MBNL2: variants seen among roughly 807,000 people sequenced by gnomAD.
MBNL2 encodes muscleblind like splicing regulator 2.
Under a neutral mutation model 41.9 loss-of-function variants are expected in MBNL2, and 17 were observed. The ratio of observed to expected loss-of-function variants is 0.41; its 90% CI spans 0.28 to 0.61. The LOEUF (loss-of-function observed/expected upper bound fraction) is 0.61, where lower values mean the gene tolerates loss of function less well. MBNL2 is among the 20% of genes least tolerant of loss of function. The probability of loss-of-function intolerance (pLI) is 0.35; values close to 1 mark genes in which losing one functional copy is unlikely to be tolerated. For synonymous variants in MBNL2, 195 were observed against 182.9 expected (o/e 1.07, Z -0.53); for missense variants, 336 against 505.6 (o/e 0.66, Z 3.22).
At chr13:97,177,437 G>A in the MBNL2 span, among the ~76,000 whole-genome samples, 1 of 152,114 alleles carries the variant, frequency 6.6e-6, no homozygotes, top group South Asian at 2.1e-4. Flanking sequence ...AGAAGCTTTT[G>A]AAACTTAAAA....
intron 4 of MBNL2, among the ~76,000 whole-genome samples, chr13:97,343,958 C>T (rs777786001): frequency 1.3e-5 from 2 of 152,156 alleles, no homozygotes; most frequent in East Asian, 1.9e-4. Context: ...AGGCATGCGC[C>T]ACCACGCCTG....
intron 5 of MBNL2, among the ~76,000 whole-genome samples, chr13:97,355,369 CTTTA>C (rs1384951545): frequency 2.6e-5 from 4 of 152,020 alleles, no homozygotes; most frequent in African/African-American, 4.8e-5. Flanking sequence ...AATAAACATC[CTTTA>C]TTTATCCAGG....
intron 5 of MBNL2, among the ~76,000 whole-genome samples, chr13:97,351,023 G>T (rs532503456): frequency 1.3e-5 from 2 of 152,294 alleles, no homozygotes; most frequent in Admixed American, 1.3e-4. Flanking sequence ...TGTATTTCTC[G>T]ATTAATAAGA....
chr13:97,230,669 A>T (rs2042257158), intron 1 of MBNL2, among the ~76,000 whole-genome samples: 1 of 152,244 alleles, frequency 6.6e-6, no homozygotes, highest in Non-Finnish European at 1.5e-5. Flanking sequence ...ACAAAGGAGC[A>T]AAATTGTTTT....
At chr13:97,257,663 G>A (rs888381340) in intron 1 of MBNL2, among the ~76,000 whole-genome samples, 2 of 152,174 alleles carry the variant, frequency 1.3e-5, no homozygotes, top group African/African-American at 2.4e-5. Context: ...CCTCTACCTC[G>A]TTTGTTTCAG....
the MBNL2 span, among the ~76,000 whole-genome samples, chr13:97,149,288 TGCTCCTGGA>T: frequency 1.3e-5 from 2 of 152,302 alleles, no homozygotes; most frequent in Admixed American, 6.5e-5. Flanking sequence ...TTAAGTGAAG[TGCTCCTGGA>T]GCTCCTGGAG....
At chr13:97,191,385 G>A in the MBNL2 span, among the ~76,000 whole-genome samples, 71 of 149,854 alleles carry the variant, frequency 4.7e-4, no homozygotes, top group African/African-American at 4.9e-5. Context: ...AGGAGTCCCT[G>A]TTTCCCTTTT....
the MBNL2 span, among the ~76,000 whole-genome samples, chr13:97,215,039 G>A: frequency 1.3e-5 from 2 of 152,226 alleles, no homozygotes; most frequent in Non-Finnish European, 2.9e-5. Context: ...TTGGCCCAGA[G>A]AACATCTGCA....
intron 2 of MBNL2, among the ~76,000 whole-genome samples, chr13:97,282,504 T>C (rs200652463): frequency 6.6e-6 from 1 of 152,246 alleles, no homozygotes; most frequent in Non-Finnish European, 1.5e-5. Flanking sequence ...TTTTTGTCTG[T>C]ATATAAATAT....
At chr13:97,168,845 T>C in the MBNL2 span, among the ~76,000 whole-genome samples, 2 of 152,178 alleles carry the variant, frequency 1.3e-5, no homozygotes, top group African/African-American at 4.8e-5. Flanking sequence ...ACTTCAGCAA[T>C]TTACAAAGTG....
At chr13:97,378,623 A>G (rs1422873818) in intron 8 of MBNL2, among the ~76,000 whole-genome samples, 1 of 152,216 alleles carries the variant, frequency 6.6e-6, no homozygotes, top group Non-Finnish European at 1.5e-5. Context: ...ACATACAGAA[A>G]AGGAATTAAG....
At chr13:97,234,808 C>T (rs185411109) in intron 1 of MBNL2, among the ~76,000 whole-genome samples, 438 of 152,336 alleles carry the variant, frequency 2.9e-3, no homozygotes, top group African/African-American at 0.01. Context: ...CTTCCGTCAT[C>T]GTCTATGTGT....
chr13:97,385,825 T>G (rs904917495), intron 8 of MBNL2, among the ~76,000 whole-genome samples: 4 of 152,220 alleles, frequency 2.6e-5, no homozygotes, highest in African/African-American at 9.6e-5. Context: ...CCATTCTGCA[T>G]GAGGACTGGT....
At chr13:97,231,727 C>A (rs1470673394) in intron 1 of MBNL2, among the ~76,000 whole-genome samples, 4 of 152,180 alleles carry the variant, frequency 2.6e-5, no homozygotes, top group African/African-American at 9.6e-5. Flanking sequence ...GACACAGACT[C>A]TCACAAGTTC....
the MBNL2 span, among the ~76,000 whole-genome samples, chr13:97,209,028 C>A: frequency 7.2e-5 from 11 of 152,022 alleles, no homozygotes; most frequent in Admixed American, 7.2e-4. Context: ...TTCTTAAATG[C>A]GGGGGCAAAC....
intron 1 of MBNL2, among the ~76,000 whole-genome samples, chr13:97,227,741 C>G (rs977954457): frequency 6.6e-5 from 10 of 152,128 alleles, no homozygotes; most frequent in Admixed American, 1.3e-4. Context: ...ACATGCTTGT[C>G]CCCAAATGCC....
In MBNL2 at chr13:97,268,089, C is replaced by T. The variant is rs555346102; in HGVS notation, c.-604-7543C>T. ...TCTTTTTTCTTTCCTTCCTTCCTTC[C>T]TTCCTTCCTTCCTTTCTTTCTTTTG... is the stretch of plus-strand genomic sequence containing the variant. On this transcript the variant is annotated intron_variant, in intron 1 of 8. Transcript: ENST00000679496. This position sits in a 1 kb window ranked among gnomAD's most constrained non-coding sequence, Gnocchi z 4.6. Among the ~76,000 whole-genome samples, 2 of 151,208 alleles carry T rather than the reference C, an allele frequency of 1.3e-5. No homozygotes were observed. Among genetic ancestry groups the T allele is most frequent in the African/African-American group, 4.9e-5 (2 of 41,132 alleles).
chr13:97,211,262 T>C, the MBNL2 span, among the ~76,000 whole-genome samples: 1 of 152,186 alleles, frequency 6.6e-6, no homozygotes, highest in Non-Finnish European at 1.5e-5. Context: ...AGGATTGGAC[T>C]GCTTTGCGAA....
At chr13:97,275,218 A>G (rs2051952079) in intron 1 of MBNL2, among the ~76,000 whole-genome samples, 1 of 152,218 alleles carries the variant, frequency 6.6e-6, no homozygotes, top group African/African-American at 2.4e-5. Context: ...TTCATTCAAA[A>G]TGACAATATC....
Sources: allele counts gnomAD v4.1 joint callset (sites outside exome capture counted in the v4.1 genomes callset), GRCh38; gene constraint gnomAD v4.1.1; non-coding constraint Gnocchi (gnomAD v3.1); transcripts MANE v1.5; gene names NCBI Gene and HGNC (gene_info 2026-07-23, HGNC 2026-07-21).